TUSC3: variants seen among roughly 807,000 people sequenced by gnomAD.
TUSC3 encodes the protein dolichyl-diphosphooligosaccharide--protein glycosyltransferase subunit TUSC3.
A neutral mutation model predicts 44.8 loss-of-function variants in TUSC3; 45 were observed. The ratio of observed to expected loss-of-function variants is 1.00; its 90% CI spans 0.79 to 1.29. The LOEUF (loss-of-function observed/expected upper bound fraction) is 1.29, where lower values mean the gene tolerates loss of function less well. TUSC3 is among the 50% of genes most tolerant of loss of function. The pLI is 0.00. For synonymous variants in TUSC3, 212 were observed against 152.9 expected (o/e 1.39, Z -2.85); for missense variants, 519 against 437.9 (o/e 1.19, Z -1.65).
chr8:15,535,436 A>C (rs1414854576), upstream of TUSC3, among the ~76,000 whole-genome samples: 1 of 152,208 alleles, frequency 6.6e-6, no homozygotes, highest in African/African-American at 2.4e-5. Context: ...CTCATTCAAC[A>C]AGTGCTGTAT....
rs200968528 is a variant in TUSC3, at chr8:15,730,738, T to C, written c.862+9T>C. The C allele has an allele frequency of 1.4e-5, 23 of 1,612,562 alleles. No individual in the cohort carries two copies. Among genetic ancestry groups the C allele is most frequent in the Non-Finnish European group, 8.5e-7 (1 of 1,179,082 alleles). On this transcript the variant is annotated intron_variant, in intron 7 of 10. Coordinates refer to ENST00000503731, the MANE Select transcript of TUSC3 (RefSeq NM_006765.4). ...CATTATTCTGGTACTGAGTATCCTT[T>C]TAAGATACCGACGAATTGAAAAGGG... is the stretch of plus-strand genomic sequence containing the variant.
intron 1 of TUSC3, among the ~76,000 whole-genome samples, chr8:15,456,150 C>G (rs1001251283): frequency 1.3e-5 from 2 of 152,182 alleles, no homozygotes; most frequent in Non-Finnish European, 1.5e-5. Context: ...TTTCCTCACA[C>G]TAGCTTTGAA....
At chr8:15,515,421 C>T (rs1047561851) in intron 2 of TUSC3, among the ~76,000 whole-genome samples, 1 of 152,036 alleles carries the variant, frequency 6.6e-6, no homozygotes, top group Admixed American at 6.6e-5. Context: ...TCTAGCTGTG[C>T]ATTTTACTCA....
the TUSC3 span, among the ~76,000 whole-genome samples, chr8:15,836,865 C>T: frequency 0.13 from 19,930 of 152,100 alleles, 1,428 homozygotes; most frequent in East Asian, 0.25. Flanking sequence ...TCTCCCTTCC[C>T]TCCCTCACTT....
chr8:15,671,519 G>A (rs1807945641), intron 5 of TUSC3, among the ~76,000 whole-genome samples: 1 of 151,966 alleles, frequency 6.6e-6, no homozygotes, highest in Admixed American at 6.6e-5. Context: ...CTTATGAAAA[G>A]TGCCAGCGCT....
intron 6 of TUSC3, among the ~76,000 whole-genome samples, chr8:15,694,377 A>C (rs897173119): frequency 6.7e-6 from 1 of 149,298 alleles, no homozygotes; most frequent in African/African-American, 2.5e-5. Flanking sequence ...GGGAGGCTGC[A>C]ATAAGCCGAG....
rs1495094 is a variant in TUSC3, at chr8:15,433,018, G to A, written n.91+15713G>A. 2.0e-5 allele frequency among the ~76,000 whole-genome samples: 3 copies of A among 152,150 alleles called. No homozygotes were observed. The South Asian group carries it at 6.2e-4, about 32-fold the overall frequency. On this transcript the variant is annotated intron_variant and non_coding_transcript_variant, in intron 1 of 5. Transcript: ENST00000503191. ...GCCAGGAGTACAAGGGGATTCTTCTGCAATTCCCTTAGAAACTGAAGGGAG... is the reference window on the plus strand; with the variant it reads ...GCCAGGAGTACAAGGGGATTCTTCTACAATTCCCTTAGAAACTGAAGGGAG...
At chr8:15,504,371 T>C (rs1357532868) in intron 2 of TUSC3, among the ~76,000 whole-genome samples, 1 of 151,946 alleles carries the variant, frequency 6.6e-6, no homozygotes, top group Non-Finnish European at 1.5e-5. Context: ...TCCATTAAAC[T>C]ACTGAGTGTA....
the TUSC3 span, chr8:15,806,738 A>G: frequency 1.3e-6 from 1 of 794,368 alleles, no homozygotes; most frequent in East Asian, 2.5e-5. Context: ...AGAGGCTTTC[A>G]CATGCTAAAG....
At chr8:15,647,437 C>T (rs960000972) in intron 2 of TUSC3, among the ~76,000 whole-genome samples, 1 of 152,102 alleles carries the variant, frequency 6.6e-6, no homozygotes, top group South Asian at 2.1e-4. Context: ...GGTTTTCTTA[C>T]TATAGATTTA....
At chr8:15,823,896 A>C in the TUSC3 span, among the ~76,000 whole-genome samples, 1 of 152,224 alleles carries the variant, frequency 6.6e-6, no homozygotes, top group East Asian at 1.9e-4. Flanking sequence ...TTATTAGTGT[A>C]GTTTCCGCTA....
At chr8:15,537,401 T>C (rs978192766), upstream of TUSC3, among the ~76,000 whole-genome samples, 8 of 152,114 alleles carry the variant, frequency 5.3e-5, no homozygotes, top group African/African-American at 1.9e-4. Flanking sequence ...CTCTCTAAAA[T>C]ATATAAAACC....
chr8:15,616,858 T>C (rs945137304), intron 1 of TUSC3, among the ~76,000 whole-genome samples: 2 of 152,106 alleles, frequency 1.3e-5, no homozygotes, highest in Admixed American at 1.3e-4. Context: ...GGTCGCCGCA[T>C]GCCTGGCCCA....
chr8:15,687,426 G>A (rs1274041066), intron 6 of TUSC3, among the ~76,000 whole-genome samples: 2 of 152,164 alleles, frequency 1.3e-5, no homozygotes, highest in Non-Finnish European at 2.9e-5. Flanking sequence ...TGCATCTGAT[G>A]TCTTTCAAAC....
chr8:15,748,451 C>T lies in TUSC3; in HGVS notation c.1014C>T (p.His338=), dbSNP rs142388794. ...TTTCAATATTTCGTTCCAAGTACCACGGCTATCCTTATAGGTAATATCTTT... is the reference window on the plus strand; with the variant it reads ...TTTCAATATTTCGTTCCAAGTACCATGGCTATCCTTATAGGTAATATCTTT... The part of the protein sequence containing the change: ...FLLSIFRSKY[H]GYPYSDLDFE The change falls in exon 9 of 11, where the codon CAC becomes CAT. Residue 338 remains histidine (H), a synonymous_variant. Transcript: ENST00000503731. The T allele has an allele frequency of 1.1e-5, 18 of 1,611,832 alleles. No individual in the cohort carries two copies. Among genetic ancestry groups the T allele is most frequent in the East Asian group, 2.2e-5 (1 of 44,806 alleles).
intron 6 of TUSC3, among the ~76,000 whole-genome samples, chr8:15,678,139 T>C (rs113645213): frequency 0.02 from 3,026 of 152,246 alleles, 99 homozygotes; most frequent in African/African-American, 0.069. Flanking sequence ...ATGTCAACTT[T>C]CCTACTACAG....
rs565990595 is a variant in TUSC3, at chr8:15,727,547, G to A, written c.799-3119G>A. 2.2e-4 allele frequency among the ~76,000 whole-genome samples: 33 copies of A among 152,238 alleles called. 1 individual carries two copies. The South Asian group carries it at 2.7e-3, about 12-fold the overall frequency. ...CAAGCTAAGTAAATCCTGAAGGCTCGTAGGGTATCTGGTTTTGATGTGATT... is the reference window on the plus strand; with the variant it reads ...CAAGCTAAGTAAATCCTGAAGGCTCATAGGGTATCTGGTTTTGATGTGATT... On this transcript the variant is annotated intron_variant, in intron 6 of 10. Coordinates refer to ENST00000503731, the MANE Select transcript of TUSC3 (RefSeq NM_006765.4).
intron 4 of TUSC3, among the ~76,000 whole-genome samples, chr8:15,661,869 G>A (rs1382523288): frequency 6.6e-6 from 1 of 151,850 alleles, no homozygotes; most frequent in Non-Finnish European, 1.5e-5. Flanking sequence ...ATGGGCAAAG[G>A]ATCTGAATGG....
At chr8:15,790,651 A>G in the TUSC3 span, among the ~76,000 whole-genome samples, 2 of 151,836 alleles carry the variant, frequency 1.3e-5, no homozygotes, top group African/African-American at 2.4e-5. Flanking sequence ...CTACCTCACA[A>G]CCTCTACCTA....
Sources: gnomAD v4.1 joint callset for allele counts (sites outside exome capture counted in the v4.1 genomes callset) on GRCh38, gnomAD v4.1.1 for gene constraint, MANE v1.5 for transcripts, NCBI Gene and HGNC (gene_info 2026-07-23, HGNC 2026-07-21) for gene names.